Variants in PLD1 observed in about 807,000 individuals in gnomAD.
PLD1 encodes phospholipase D1.
A neutral mutation model predicts 137.1 loss-of-function variants in PLD1; 112 were observed. The observed-to-expected ratio is 0.82, with a 90% CI of 0.70 to 0.96. The LOEUF is 0.96. Among genes scored for constraint, PLD1 ranks in the 40% least tolerant of loss-of-function variants. The pLI is 0.00. For synonymous variants in PLD1, 431 were observed against 454.7 expected, an observed-to-expected ratio of 0.95 and a Z score of 0.66; for missense variants, 1,321 against 1,342.0, an observed-to-expected ratio of 0.98 and a Z score of 0.24.
intron 23 of PLD1, among the ~76,000 whole-genome samples, chr3:171,636,124 C>T (rs975953440): frequency 6.6e-6 from 1 of 151,574 alleles, no homozygotes; most frequent in East Asian, 1.9e-4. Context: ...TTTAGATTCT[C>T]GACTCTATTC....
chr3:171,677,499 A>G, intron 17 of PLD1, 67 bp downstream of exon 17: 1 of 1,483,546 alleles, frequency 6.7e-7, no homozygotes, highest in Non-Finnish European at 9.2e-7. Flanking sequence ...ATGCACATGT[A>G]TACTTGCTGA....
In PLD1 at chr3:171,677,607, A is replaced by T; in HGVS notation, c.1955T>A (p.Phe652Tyr). 3 of 1,614,114 alleles carry T rather than the reference A, an allele frequency of 1.9e-6. No individual in the cohort carries two copies. Among genetic ancestry groups the T allele is most frequent in the Non-Finnish European group, 2.5e-6 (3 of 1,179,938 alleles). ...RFWHGKDYCN[F>Y]VFKDWVQLDK... is the part of the protein sequence containing the mutation. ...AAGTTGAACCCAGTCTTTGAAGACG[A>T]AATTGCAGTAGTCCTTTCCATGCCA... The change falls in exon 17 of 27, where the codon TTC becomes TAC. Residue 652 changes from phenylalanine to tyrosine, a missense_variant. Transcript: ENST00000351298.
chr3:171,697,192 A>G (rs1241843638), intron 12 of PLD1, among the ~76,000 whole-genome samples: 3 of 149,954 alleles, frequency 2.0e-5, no homozygotes, highest in Non-Finnish European at 4.4e-5. Context: ...TTTCTGAATC[A>G]GCTCTTCCCA....
Position 171,603,235 on chromosome 3 carries a change from G to A in PLD1, c.3068C>T (p.Pro1023Leu). ...LIQLRDFINK[P>L]VLAKEDPIRA... Reference sequence around the variant, plus strand: ...AATGGGATCTTCCTTAGCTAATACGGGCTTGTTTATAAAGTCTCTCAGCTG... The same window carrying A: ...AATGGGATCTTCCTTAGCTAATACGAGCTTGTTTATAAAGTCTCTCAGCTG... The change falls in exon 27 of 27, where the codon CCC (proline) becomes CTC (leucine). Residue 1023 changes from proline to leucine, a missense_variant. By Grantham distance (98) the Pro-to-Leu change is moderately conservative. Transcript: ENST00000351298. 3.1e-6 allele frequency: 5 copies of A among 1,613,956 alleles called. No individual in the cohort carries two copies. The African/African-American group carries it at 5.3e-5, about 17-fold the overall frequency.
intron 21 of PLD1, among the ~76,000 whole-genome samples, chr3:171,646,610 G>T (rs1281741638): frequency 6.6e-6 from 1 of 151,072 alleles, no homozygotes; most frequent in African/African-American, 2.4e-5. Flanking sequence ...GTTCAAGTTT[G>T]CTGCTTGGTA....
intron 23 of PLD1, among the ~76,000 whole-genome samples, chr3:171,639,820 TTCTCTC>T (rs778938858): frequency 5.1e-5 from 6 of 118,084 alleles, no homozygotes; most frequent in Admixed American, 1.0e-4. Flanking sequence ...TTTACATAAT[TTCTCTC>T]TCTCTCTCTC....
At chr3:171,608,724 G>A (rs1054871047) in intron 25 of PLD1, among the ~76,000 whole-genome samples, 1 of 152,150 alleles carries the variant, frequency 6.6e-6, no homozygotes, top group Non-Finnish European at 1.5e-5. Context: ...GAGAAAAAGA[G>A]TCAGGACCCC....
rs1731903049 is a variant in PLD1 at position 171,602,551 on chromosome 3, T to C, written c.*527A>G. ...ACTATATCCTCATTTGGGTGAATGT[T>C]ACTACTTCAGGACCAGATGAGCAGG... On this transcript the variant is annotated 3_prime_UTR_variant, in exon 27 of 27. Coordinates refer to ENST00000351298, the MANE Select transcript of PLD1 (RefSeq NM_002662.5). 6.1e-6 allele frequency: 1 copy of C among 164,034 alleles called. No homozygotes were observed. The highest frequency in any genetic ancestry group is 1.3e-5 in the Non-Finnish European group (1 of 74,664). 10.2% of individuals were successfully genotyped at this position (164,034 alleles called of 1,614,324 possible).
intron 1 of PLD1, among the ~76,000 whole-genome samples, chr3:171,808,187 G>A (rs987284846): frequency 6.6e-6 from 1 of 151,868 alleles, no homozygotes; most frequent in African/African-American, 2.4e-5. Flanking sequence ...GTATGTCCAT[G>A]TAACAAACCT....
intron 1 of PLD1, chr3:171,789,310 A>G (rs1223521687): frequency 6.6e-6 from 1 of 152,288 alleles, no homozygotes; most frequent in Non-Finnish European, 1.5e-5. Context: ...CTGGAAATAA[A>G]GTTGAAAAAA....
At chr3:171,704,925 C>A (rs186547143) in intron 11 of PLD1, among the ~76,000 whole-genome samples, 10 of 152,308 alleles carry the variant, frequency 6.6e-5, no homozygotes, top group Admixed American at 2.6e-4. Flanking sequence ...AAGGAGCGGG[C>A]AGCCTAGATT....
intron 1 of PLD1, among the ~76,000 whole-genome samples, chr3:171,762,269 T>C (rs1721452149): frequency 6.6e-6 from 1 of 152,264 alleles, no homozygotes; most frequent in Admixed American, 6.5e-5. Flanking sequence ...TTTGGTCATC[T>C]TCTTCAGCCC....
chr3:171,638,184 CAAA>C (rs1040418705), intron 23 of PLD1, among the ~76,000 whole-genome samples: 56 of 66,796 alleles, frequency 8.4e-4, no homozygotes, highest in African/African-American at 9.9e-4. Context: ...GACTCCGTCT[CAAA>C]AAAAAAAAAA....
intron 23 of PLD1, among the ~76,000 whole-genome samples, chr3:171,621,329 C>A (rs1336079219): frequency 1.3e-5 from 2 of 152,132 alleles, no homozygotes; most frequent in African/African-American, 2.4e-5. Context: ...CTTTCTCCCA[C>A]ACAGCAGTTG....
At chr3:171,711,999 C>G (rs1175385557) in intron 9 of PLD1, among the ~76,000 whole-genome samples, 1 of 152,154 alleles carries the variant, frequency 6.6e-6, no homozygotes, top group Non-Finnish European at 1.5e-5. Flanking sequence ...AATCTACCAT[C>G]ATACCAATGT....
chr3:171,605,109 A>G (rs1732102703), intron 26 of PLD1, among the ~76,000 whole-genome samples, 190 bp downstream of exon 26: 1 of 152,204 alleles, frequency 6.6e-6, no homozygotes, highest in African/African-American at 2.4e-5. Flanking sequence ...TTCTAAACCA[A>G]AATCCACAAT....
At chr3:171,682,992 C>T (rs369022460) in intron 16 of PLD1, among the ~76,000 whole-genome samples, 8 of 152,196 alleles carry the variant, frequency 5.3e-5, no homozygotes, top group African/African-American at 1.7e-4. Flanking sequence ...AATCACCTCA[C>T]GCTCCATCTT....
At chr3:171,746,328 C>A (rs1720175277) in intron 1 of PLD1, among the ~76,000 whole-genome samples, 1 of 152,220 alleles carries the variant, frequency 6.6e-6, no homozygotes, top group Non-Finnish European at 1.5e-5. Flanking sequence ...CTAGGCAAAG[C>A]CAGCTGGGCT....
intron 22 of PLD1, 88 bp downstream of exon 22, chr3:171,644,822 T>C: frequency 1.2e-6 from 1 of 803,782 alleles, no homozygotes; most frequent in Non-Finnish European, 2.2e-6. Flanking sequence ...CTCCACCGAA[T>C]GGATGTGGAG....
Sources: allele counts gnomAD v4.1 joint callset (sites outside exome capture counted in the v4.1 genomes callset), GRCh38; gene constraint gnomAD v4.1.1; transcripts MANE v1.5; gene names NCBI Gene and HGNC (gene_info 2026-07-23, HGNC 2026-07-21).